PREX1: variants seen among roughly 807,000 people sequenced by gnomAD.
The protein encoded by PREX1 is phosphatidylinositol 3,4,5-trisphosphate-dependent Rac exchanger 1 protein.
PREX1 carries 41 observed loss-of-function variants against 198.3 expected under a neutral mutation model. The ratio of observed to expected loss-of-function variants is 0.21; its 90% confidence interval spans 0.16 to 0.27. PREX1 has a LOEUF of 0.27. PREX1 is among the 10% of genes least tolerant of loss of function. The pLI, the probability that PREX1 is intolerant of heterozygous loss-of-function variation, is 1.00. For synonymous variants in PREX1, 843 were observed against 887.2 expected (o/e 0.95, Z 0.89); for missense variants, 1,620 against 2,200.7 (o/e 0.74, Z 5.28).
At chr20:48,641,344 A>G (rs1238589657) in intron 29 of PREX1, among the ~76,000 whole-genome samples, 1 of 152,204 alleles carries the variant, frequency 6.6e-6, no homozygotes. Flanking sequence ...TATCATTATC[A>G]TTATGGTTTA....
intron 3 of PREX1, among the ~76,000 whole-genome samples, chr20:48,738,452 G>A (rs751263204): frequency 1.0e-3 from 157 of 152,290 alleles, no homozygotes; most frequent in Non-Finnish European, 2.8e-4. Flanking sequence ...CTGCAGCACC[G>A]TGCCCAGTTC....
chr20:48,695,112 G>T (rs1451542736), intron 7 of PREX1, among the ~76,000 whole-genome samples: 1 of 152,192 alleles, frequency 6.6e-6, no homozygotes, highest in East Asian at 1.9e-4. Context: ...GAACACACCT[G>T]TATCAACATG....
At chr20:48,800,553 G>T (rs1277087130) in intron 1 of PREX1, among the ~76,000 whole-genome samples, 2 of 152,124 alleles carry the variant, frequency 1.3e-5, no homozygotes, top group Non-Finnish European at 2.9e-5. Flanking sequence ...CTGTGAGGTG[G>T]GAGCTTTTGT....
chr20:48,685,878 A>G (rs1358619698), intron 10 of PREX1, among the ~76,000 whole-genome samples: 2 of 144,838 alleles, frequency 1.4e-5, no homozygotes, highest in African/African-American at 2.5e-5. Context: ...TGGGCAACAG[A>G]GCGAGACCCT....
intron 36 of PREX1, among the ~76,000 whole-genome samples, chr20:48,630,190 A>C (rs6090884): frequency 0.085 from 12,936 of 152,212 alleles, 630 homozygotes; most frequent in South Asian, 0.16. Flanking sequence ...CTAGAAAACC[A>C]GGAGGCCAAA....
intron 3 of PREX1, among the ~76,000 whole-genome samples, chr20:48,735,024 C>T (rs2122729075): frequency 6.6e-6 from 1 of 152,150 alleles, no homozygotes; most frequent in Admixed American, 6.5e-5. Flanking sequence ...AATAAAAGTC[C>T]CTAAGTCAGA....
At chr20:48,865,080 A>G in the PREX1 span, among the ~76,000 whole-genome samples, 1 of 152,100 alleles carries the variant, frequency 6.6e-6, no homozygotes, top group Non-Finnish European at 1.5e-5. Context: ...GATCATTCAA[A>G]TCAGTAGCAG....
the PREX1 span, among the ~76,000 whole-genome samples, chr20:48,838,423 T>C: frequency 1.3e-5 from 2 of 152,188 alleles, no homozygotes; most frequent in South Asian, 4.1e-4. Flanking sequence ...TCAGACAAAC[T>C]TCGATGCGCA....
chr20:48,808,857 C>T (rs1259784736), intron 1 of PREX1, among the ~76,000 whole-genome samples: 1 of 152,206 alleles, frequency 6.6e-6, no homozygotes, highest in Admixed American at 6.5e-5. Flanking sequence ...GCTTGGAATG[C>T]TCTCCCCATA....
In PREX1 at chr20:48,629,401, G is replaced by A. The variant is rs916079952; in HGVS notation, c.4766+48C>T. On this transcript the variant is annotated intron_variant, in intron 37 of 39. Transcript: ENST00000371941. ...CCACAGGACCCCAAACTGACCAGAA[G>A]CTAGGCCAGCCCCTCCCCACACCCC... 17 of 1,593,858 alleles carry A rather than the reference G, an allele frequency of 1.1e-5. No homozygotes were observed. The African/African-American group carries it at 2.0e-4, about 19-fold the overall frequency.
chr20:48,785,034 C>T lies in PREX1; in HGVS notation c.220-37154G>A, dbSNP rs181759585. ...GTTCAAACGATTCTCCTACCTAAGCCTCCCAAGTAGCTGGGATTACAGGCA... is the reference window on the plus strand; with the variant it reads ...GTTCAAACGATTCTCCTACCTAAGCTTCCCAAGTAGCTGGGATTACAGGCA... On this transcript the variant is annotated intron_variant, in intron 1 of 39. Transcript: ENST00000371941. Among the ~76,000 whole-genome samples the T allele has an allele frequency of 1.2e-3, 182 of 152,206 alleles. 1 individual carries two copies. The highest frequency in any genetic ancestry group is 3.7e-3 in the African/African-American group (154 of 41,508).
chr20:48,881,824 T>C, the PREX1 span, among the ~76,000 whole-genome samples: 1 of 152,180 alleles, frequency 6.6e-6, no homozygotes, highest in African/African-American at 2.4e-5. Context: ...TGGTTTCTTG[T>C]AGTTGTGCAA....
intron 1 of PREX1, among the ~76,000 whole-genome samples, chr20:48,770,976 C>A (rs1359141420): frequency 6.6e-6 from 1 of 152,020 alleles, no homozygotes; most frequent in Non-Finnish European, 1.5e-5. Context: ...CGATGGGGCA[C>A]CAGGTTTAGA....
rs1294578949 is a variant in PREX1, at chr20:48,726,372, C to G, written c.539G>C (p.Gly180Ala). 6.2e-7 allele frequency: 1 copy of G among 1,613,348 alleles called. No individual in the cohort carries two copies. Among genetic ancestry groups the G allele is most frequent in the Non-Finnish European group, 8.5e-7 (1 of 1,179,714 alleles). The change falls in exon 5 of 40, where the codon GGC (glycine) becomes GCC (alanine). Residue 180 changes from glycine to alanine, a missense_variant. This residue lies in a region of PREX1 where 488 missense variants were observed against 802.5 expected (regional missense o/e 0.61). Transcript: ENST00000371941. ...AFLLSCMLLG[G>A]RKTTDIPLEG... ...CAAAGGGATGTCCGTGGTCTTCCGG[C>G]CTCCCAGAAGCATGCAGCTCTGCAA...
chr20:48,872,161 A>C, the PREX1 span, among the ~76,000 whole-genome samples: 2 of 150,080 alleles, frequency 1.3e-5, no homozygotes, highest in Non-Finnish European at 3.0e-5. Context: ...TCTGTCTCAA[A>C]AAAAAAAAAA....
chr20:48,764,827 G>A (rs1411742906), intron 1 of PREX1, among the ~76,000 whole-genome samples: 1 of 151,660 alleles, frequency 6.6e-6, no homozygotes, highest in Non-Finnish European at 1.5e-5. Context: ...AGGGAGGTAG[G>A]AGAGTGAGTG....
chr20:48,631,013 C>T (rs907897837), intron 35 of PREX1, among the ~76,000 whole-genome samples: 2 of 152,172 alleles, frequency 1.3e-5, no homozygotes, highest in African/African-American at 4.8e-5. Flanking sequence ...TCCAATGCCA[C>T]CCCTCCCTGC....
chr20:48,782,133 C>T (rs1231240403), intron 1 of PREX1, among the ~76,000 whole-genome samples: 1 of 152,148 alleles, frequency 6.6e-6, no homozygotes, highest in African/African-American at 2.4e-5. Context: ...ACTCAGTCAA[C>T]AATTAGCAAA....
At chr20:48,749,134 G>A (rs2090122630) in intron 1 of PREX1, among the ~76,000 whole-genome samples, 1 of 152,144 alleles carries the variant, frequency 6.6e-6, no homozygotes, top group Admixed American at 6.5e-5. Flanking sequence ...CAGCACCTAA[G>A]GGAGACCGAG....
Sources: gnomAD v4.1 joint callset for allele counts (sites outside exome capture counted in the v4.1 genomes callset) on GRCh38, gnomAD v4.1.1 for gene constraint, gnomAD v4.1.1 regional missense constraint, MANE v1.5 for transcripts, NCBI Gene and HGNC (gene_info 2026-07-23, HGNC 2026-07-21) for gene names.